The following GRIK1 variants were observed in gnomAD, a reference collection of about 807,000 sequenced individuals.
GRIK1 encodes glutamate ionotropic receptor kainate type subunit 1, also known as glutamate receptor ionotropic, kainate 1.
In GRIK1, 69 loss-of-function variants were observed where a neutral mutation model predicts 105.7. The ratio of observed to expected loss-of-function variants is 0.65; its 90% CI spans 0.54 to 0.80. The LOEUF (loss-of-function observed/expected upper bound fraction) is 0.80, where lower values mean the gene tolerates loss of function less well. GRIK1 is among the 30% of genes least tolerant of loss of function. GRIK1 has a pLI of 0.00. For synonymous variants in GRIK1, 438 were observed against 431.3 expected, an observed-to-expected ratio of 1.02 and a Z score of -0.19; for missense variants, 1,109 against 1,167.3, an observed-to-expected ratio of 0.95 and a Z score of 0.73.
chr21:29,842,800 A>G (rs751210185), intron 1 of GRIK1, among the ~76,000 whole-genome samples: 3 of 152,196 alleles, frequency 2.0e-5, no homozygotes, highest in Non-Finnish European at 2.9e-5. Flanking sequence ...GGCATTCAAT[A>G]CAGCACGAAT....
chr21:29,777,291 C>T (rs559336771), intron 1 of GRIK1, among the ~76,000 whole-genome samples: 102 of 152,282 alleles, frequency 6.7e-4, no homozygotes, highest in African/African-American at 2.2e-3. Context: ...AGTTACCACC[C>T]TAGAGATCCT....
At position 29,616,028 on chromosome 21, in the gene GRIK1, C is replaced by A. The variant is rs148309484; in HGVS notation, c.1099-17091G>T. ...CCTGGAAATTTGCCCCAATTCCCAA[C>A]AAGGGCTGAATCCAGCACCCAACAG... On this transcript the variant is annotated intron_variant, in intron 7 of 17. Transcript: ENST00000327783. 3.6e-3 allele frequency among the ~76,000 whole-genome samples: 551 copies of A among 152,346 alleles called. 3 individuals are homozygous for A. The highest frequency in any genetic ancestry group is 6.0e-3 in the Non-Finnish European group (409 of 68,024).
intron 1 of GRIK1, among the ~76,000 whole-genome samples, chr21:29,937,463 G>A (rs1420496696): frequency 6.6e-6 from 1 of 152,204 alleles, no homozygotes; most frequent in Non-Finnish European, 1.5e-5. Context: ...AGTGAATCAT[G>A]TTGTTTGTTT....
intron 1 of GRIK1, among the ~76,000 whole-genome samples, chr21:29,840,285 G>T (rs2067940154): frequency 6.6e-6 from 1 of 152,108 alleles, no homozygotes; most frequent in Non-Finnish European, 1.5e-5. Flanking sequence ...TTAGGAAAGG[G>T]GATCTGAAGT....
At chr21:29,698,797 G>C (rs1305286577) in intron 1 of GRIK1, among the ~76,000 whole-genome samples, 1 of 152,144 alleles carries the variant, frequency 6.6e-6, no homozygotes, top group Admixed American at 6.5e-5. Context: ...TCGAAGCAAA[G>C]GGTTGGAAAG....
rs542826351 is a variant in GRIK1, at chr21:29,579,020, A to T, written c.1913-1839T>A. On this transcript the variant is annotated intron_variant, in intron 13 of 17. Transcript: ENST00000327783. ...AAACATAAGGTTTTCACTTATTTGT[A>T]TATTTGTATAATTATGTATTATATG... Among the ~76,000 whole-genome samples, 26 of 152,236 alleles carry T rather than the reference A, an allele frequency of 1.7e-4. No individual in the cohort carries two copies. The South Asian group carries it at 5.4e-3, about 32-fold the overall frequency.
chr21:29,701,002 A>T (rs536909862), intron 1 of GRIK1, among the ~76,000 whole-genome samples: 5 of 152,336 alleles, frequency 3.3e-5, no homozygotes, highest in African/African-American at 1.2e-4. Flanking sequence ...TATTCCAACG[A>T]TAACCATTTC....
rs1555851210 is a variant in GRIK1, at chr21:29,620,808, T to TATATATAG, written c.1099-21872_1099-21871insCTATATAT. The stretch of plus-strand genomic sequence containing the variant: ...ATATATATATCTATATATATATAGA[T>TATATATAG]ATATATATATAGTAATAATATATTA... On this transcript the variant is annotated intron_variant, in intron 7 of 17. Coordinates refer to ENST00000327783, the MANE Select transcript of GRIK1 (RefSeq NM_001330994.2). 1.6e-3 allele frequency among the ~76,000 whole-genome samples: 192 copies of TATATATAG among 122,506 alleles called. 1 individual carries two copies. The highest frequency in any genetic ancestry group is 3.8e-3 in the Middle Eastern group (1 of 260). 80.4% of individuals were successfully genotyped at this position (122,506 alleles called of 152,430 possible).
rs565143418 is a variant in GRIK1, at chr21:29,860,008, T to C, written c.118+79375A>G. ...TCAATAAATACCAGTGATTATTATATATTGCTCTTCATTTACAAAGGAAGA... is the reference window on the plus strand; with the variant it reads ...TCAATAAATACCAGTGATTATTATACATTGCTCTTCATTTACAAAGGAAGA... On this transcript the variant is annotated intron_variant, in intron 1 of 17. Transcript: ENST00000327783. 2.6e-5 allele frequency among the ~76,000 whole-genome samples: 4 copies of C among 152,330 alleles called. No individual in the cohort carries two copies. In the South Asian group the frequency reaches 8.3e-4, roughly 32 times the overall value.
At chr21:29,761,029 T>G (rs756723900) in intron 1 of GRIK1, among the ~76,000 whole-genome samples, 1 of 152,230 alleles carries the variant, frequency 6.6e-6, no homozygotes, top group Non-Finnish European at 1.5e-5. Flanking sequence ...TGATACTTGC[T>G]GATCACAAGG....
chr21:29,826,769 C>G (rs1247140598), intron 1 of GRIK1, among the ~76,000 whole-genome samples: 1 of 152,008 alleles, frequency 6.6e-6, no homozygotes, highest in African/African-American at 2.4e-5. Flanking sequence ...TTTATTGATT[C>G]TTATTCTCCA....
chr21:29,617,150 T>A (rs2061870182), intron 7 of GRIK1, among the ~76,000 whole-genome samples: 1 of 152,226 alleles, frequency 6.6e-6, no homozygotes, highest in Non-Finnish European at 1.5e-5. Flanking sequence ...TTTAATAGTG[T>A]CATTACCAAG....
intron 1 of GRIK1, among the ~76,000 whole-genome samples, chr21:29,869,704 A>T (rs544718661): frequency 3.3e-5 from 5 of 152,348 alleles, no homozygotes; most frequent in East Asian, 3.9e-4. Context: ...ATAGAGTTCT[A>T]TATGGACATA....
chr21:29,678,872 T>A (rs1265014074), intron 3 of GRIK1, among the ~76,000 whole-genome samples: 1 of 152,216 alleles, frequency 6.6e-6, no homozygotes, highest in Non-Finnish European at 1.5e-5. Flanking sequence ...GCTTGACTAC[T>A]CATGCCAAAG....
chr21:29,804,113 C>T (rs1006431483), intron 1 of GRIK1, among the ~76,000 whole-genome samples: 2 of 151,908 alleles, frequency 1.3e-5, no homozygotes, highest in South Asian at 2.1e-4. Flanking sequence ...CCAAAACCAG[C>T]TCAGCTTTTT....
intron 2 of GRIK1, among the ~76,000 whole-genome samples, chr21:29,692,910 A>C (rs991818347): frequency 6.6e-6 from 1 of 152,218 alleles, no homozygotes; most frequent in Admixed American, 6.5e-5. Flanking sequence ...TAAGAAAATA[A>C]GTTTTATATT....
chr21:29,741,348 C>T (rs895481168), intron 1 of GRIK1, among the ~76,000 whole-genome samples: 8 of 151,994 alleles, frequency 5.3e-5, no homozygotes, highest in Non-Finnish European at 7.4e-5. Context: ...TAAATTAGAA[C>T]ATCAATACAT....
intron 1 of GRIK1, among the ~76,000 whole-genome samples, chr21:29,830,320 C>T (rs2843941): frequency 9.4e-6 from 1 of 106,524 alleles, no homozygotes; most frequent in Non-Finnish European, 2.1e-5. Context: ...CACACACACA[C>T]ACACACACAC....
chr21:29,620,482 T>A (rs748807091), intron 7 of GRIK1, among the ~76,000 whole-genome samples: 1 of 152,176 alleles, frequency 6.6e-6, no homozygotes, highest in African/African-American at 2.4e-5. Context: ...TTAAACTTCA[T>A]TGAAATAGAG....
Sources: gnomAD v4.1 joint callset for allele counts (sites outside exome capture counted in the v4.1 genomes callset) on GRCh38, gnomAD v4.1.1 for gene constraint, MANE v1.5 for transcripts, NCBI Gene and HGNC (gene_info 2026-07-23, HGNC 2026-07-21) for gene names.